HCN1: variants seen among roughly 807,000 people sequenced by gnomAD.
The protein encoded by HCN1 is hyperpolarization activated cyclic nucleotide gated potassium channel 1.
Under a neutral mutation model 78.9 loss-of-function variants are expected in HCN1, and 13 were observed. The ratio of observed to expected loss-of-function variants is 0.16; its 90% CI spans 0.11 to 0.26. The LOEUF (loss-of-function observed/expected upper bound fraction) is 0.26. Among genes scored for constraint, HCN1 ranks in the 10% least tolerant of loss-of-function variants. The probability of loss-of-function intolerance (pLI) is 1.00; values close to 1 mark genes in which losing one functional copy is unlikely to be tolerated. For synonymous variants in HCN1, 552 were observed against 455.5 expected (o/e 1.21, Z -2.70); for missense variants, 810 against 1,154.3 (o/e 0.70, Z 4.32).
chr5:45,490,514 C>T (rs1242054936), intron 2 of HCN1, among the ~76,000 whole-genome samples: 1 of 152,088 alleles, frequency 6.6e-6, no homozygotes, highest in Non-Finnish European at 1.5e-5. Context: ...CTTCTTTCTT[C>T]CCAGAAATAG....
intron 2 of HCN1, among the ~76,000 whole-genome samples, chr5:45,483,808 T>C (rs555399961): frequency 4.6e-5 from 7 of 152,288 alleles, no homozygotes; most frequent in Admixed American, 1.3e-4. Context: ...TGATGAAAGG[T>C]AGGAGTCCAG....
At chr5:45,391,463 T>C (rs996298007) in intron 4 of HCN1, among the ~76,000 whole-genome samples, 2 of 152,166 alleles carry the variant, frequency 1.3e-5, no homozygotes, top group Non-Finnish European at 2.9e-5. Flanking sequence ...CTTTTAAAAC[T>C]AAATAATGGT....
Position 45,473,943 on chromosome 5 carries a change from A to C in HCN1, c.850-11936T>G, listed in dbSNP as rs149191278. Among the ~76,000 whole-genome samples, 370 of 152,012 alleles carry C rather than the reference A, an allele frequency of 2.4e-3. 1 individual carries two copies. The highest frequency in any genetic ancestry group is 6.8e-3 in the South Asian group (33 of 4,830). On this transcript the variant is annotated intron_variant, in intron 2 of 7. Transcript: ENST00000303230. The stretch of plus-strand genomic sequence containing the variant: ...CCACATTTGGTTGACCTCTAGGCAC[A>C]TTAATTTATAATATACTCTTTGATA...
intron 3 of HCN1, among the ~76,000 whole-genome samples, chr5:45,424,117 TCCAAAAAA>T (rs1420070370): frequency 2.1e-5 from 1 of 48,774 alleles, no homozygotes; most frequent in East Asian, 5.5e-4. Context: ...CTACTAAAAA[TCCAAAAAA>T]AAAAAAAAAA....
Position 45,380,117 on chromosome 5 carries a change from T to G in HCN1, c.1230+16375A>C, listed in dbSNP as rs559098823. Among the ~76,000 whole-genome samples, 10 of 152,184 alleles carry G rather than the reference T, an allele frequency of 6.6e-5. No individual in the cohort carries two copies. The South Asian group carries it at 2.1e-3, about 32-fold the overall frequency. On this transcript the variant is annotated intron_variant, in intron 4 of 7. Coordinates refer to ENST00000303230, the MANE Select transcript of HCN1 (RefSeq NM_021072.4). ...TTTATAAAGAACAGGCATTTATTTGTCATGGTTCTGGAGGCTGGGAAGTCC... is the reference window on the plus strand; with the variant it reads ...TTTATAAAGAACAGGCATTTATTTGGCATGGTTCTGGAGGCTGGGAAGTCC...
intron 3 of HCN1, among the ~76,000 whole-genome samples, chr5:45,434,119 T>C (rs1740518026): frequency 6.6e-6 from 1 of 152,222 alleles, no homozygotes; most frequent in Non-Finnish European, 1.5e-5. Context: ...GCTTTTCACT[T>C]CTCCTCTAGG....
In HCN1 at chr5:45,350,148, C is replaced by T. The variant is rs1426878284; in HGVS notation, c.1377+2952G>A. ...CAATAAAATACTGGCAAACCGAATCCAGCAGCACATCTAAAAGGTTATCCA... is the reference window on the plus strand; with the variant it reads ...CAATAAAATACTGGCAAACCGAATCTAGCAGCACATCTAAAAGGTTATCCA... On this transcript the variant is annotated intron_variant, in intron 5 of 7. Coordinates refer to ENST00000303230, the MANE Select transcript of HCN1 (RefSeq NM_021072.4). Among the ~76,000 whole-genome samples, 3 of 152,072 alleles carry T rather than the reference C, an allele frequency of 2.0e-5. 1 individual carries two copies. Among genetic ancestry groups the T allele is most frequent in the African/African-American group, 4.8e-5 (2 of 41,398 alleles).
intron 2 of HCN1, among the ~76,000 whole-genome samples, chr5:45,499,053 C>T (rs1477466168): frequency 6.6e-6 from 1 of 152,184 alleles, no homozygotes; most frequent in Non-Finnish European, 1.5e-5. Flanking sequence ...GTGCCCTGCC[C>T]CCAGAGGTGG....
chr5:45,418,958 C>T (rs1042680707), intron 3 of HCN1, among the ~76,000 whole-genome samples: 1 of 152,118 alleles, frequency 6.6e-6, no homozygotes, highest in Admixed American at 6.6e-5. Context: ...TCACCACAGA[C>T]TGCTATGTGA....
intron 1 of HCN1, among the ~76,000 whole-genome samples, chr5:45,663,830 A>C (rs933437350): frequency 6.7e-6 from 1 of 148,756 alleles, no homozygotes; most frequent in East Asian, 2.1e-4. Context: ...GAGGATGTGG[A>C]GAAATAGGAA....
chr5:45,396,365 T>C (rs991945159), intron 4 of HCN1, 127 bp downstream of exon 4: 1 of 794,030 alleles, frequency 1.3e-6, no homozygotes. Context: ...ATAGTGTGTT[T>C]TTACTTTAAA....
chr5:45,486,505 G>T (rs921856017), intron 2 of HCN1, among the ~76,000 whole-genome samples: 2 of 152,024 alleles, frequency 1.3e-5, no homozygotes, highest in African/African-American at 4.8e-5. Context: ...CTCTCATGGG[G>T]TGTATTCAGA....
At position 45,261,750 on chromosome 5, in the gene HCN1, AT is replaced by A; in HGVS notation, c.*170del. 1.5e-6 allele frequency: 1 copy of A among 677,240 alleles called. No individual in the cohort carries two copies. The highest frequency in any genetic ancestry group is 1.8e-5 in the African/African-American group (1 of 55,722). The allele number at this position is 677,240 out of a possible 1,614,324, so 42.0% of individuals were successfully genotyped here. On this transcript the variant is annotated 3_prime_UTR_variant, in exon 8 of 8. Transcript: ENST00000303230. ...CCCTCTCTTGGGAATTTAGATATATATTTTATAGTATATGTATATATATTTT... is the reference window on the plus strand; with the variant it reads ...CCCTCTCTTGGGAATTTAGATATATATTTATAGTATATGTATATATATTTT...
chr5:45,694,072 T>C (rs1389510983), intron 1 of HCN1, among the ~76,000 whole-genome samples: 4 of 152,206 alleles, frequency 2.6e-5, no homozygotes, highest in Non-Finnish European at 5.9e-5. Flanking sequence ...CATGACAACC[T>C]TATACATCTT....
At chr5:45,672,108 G>A (rs1260337450) in intron 1 of HCN1, among the ~76,000 whole-genome samples, 1 of 151,516 alleles carries the variant, frequency 6.6e-6, no homozygotes, top group Non-Finnish European at 1.5e-5. Context: ...GCACCTACAT[G>A]TATAAATTGA....
intron 2 of HCN1, among the ~76,000 whole-genome samples, chr5:45,587,621 C>T (rs2111937561): frequency 6.6e-6 from 1 of 152,050 alleles, no homozygotes; most frequent in East Asian, 1.9e-4. Context: ...ATGGGTGCAG[C>T]ACACCAACAT....
chr5:45,373,817 C>T lies in HCN1; in HGVS notation c.1231-20571G>A, dbSNP rs551280833. ...TACGTCATCTATAATATATTACATA[C>T]GGTATATACGTCATCTATAATATAT... On this transcript the variant is annotated intron_variant, in intron 4 of 7. Coordinates refer to ENST00000303230, the MANE Select transcript of HCN1 (RefSeq NM_021072.4). Among the ~76,000 whole-genome samples the T allele has an allele frequency of 5.2e-3, 633 of 122,836 alleles. 19 individuals are homozygous for T. Among genetic ancestry groups the T allele is most frequent in the African/African-American group, 0.019 (596 of 30,794 alleles). 80.6% of individuals were successfully genotyped at this position (122,836 alleles called of 152,430 possible).
chr5:45,367,521 G>T (rs1208390801), intron 4 of HCN1, among the ~76,000 whole-genome samples: 2 of 151,826 alleles, frequency 1.3e-5, no homozygotes, highest in African/African-American at 4.8e-5. Context: ...TAACCATGAT[G>T]CATGATGTTA....
At chr5:45,301,593 A>T (rs1745622720) in intron 6 of HCN1, among the ~76,000 whole-genome samples, 1 of 151,412 alleles carries the variant, frequency 6.6e-6, no homozygotes, top group Non-Finnish European at 1.5e-5. Flanking sequence ...ATGGGGACAC[A>T]TGCCTGTGGT....
Sources: gnomAD v4.1 joint callset for allele counts (sites outside exome capture counted in the v4.1 genomes callset) on GRCh38, gnomAD v4.1.1 for gene constraint, MANE v1.5 for transcripts, NCBI Gene and HGNC (gene_info 2026-07-23, HGNC 2026-07-21) for gene names.